Variants in PDE6C observed in about 807,000 individuals in gnomAD.
PDE6C encodes the protein cone cGMP-specific 3',5'-cyclic phosphodiesterase subunit alpha'.
Under a neutral mutation model 113.1 loss-of-function variants are expected in PDE6C, and 75 were observed. The ratio of observed to expected loss-of-function variants is 0.66; its 90% CI spans 0.55 to 0.80. The LOEUF is 0.80. PDE6C is among the 30% of genes least tolerant of loss of function. PDE6C has a pLI of 0.00. For missense variants in PDE6C, 912 were observed against 1,038.6 expected, an observed-to-expected ratio of 0.88 and a Z score of 1.67; for synonymous variants, 375 against 363.7, an observed-to-expected ratio of 1.03 and a Z score of -0.35.
chr10:93,640,567 G>A lies in PDE6C; in HGVS notation c.1737+10G>A. The A allele has an allele frequency of 1.9e-6, 3 of 1,557,716 alleles. No homozygotes were observed. The highest frequency in any genetic ancestry group is 2.7e-6 in the Non-Finnish European group (3 of 1,128,538). ...GTTTACTTTGCTGATGGTAGGTACA[G>A]AGGGCTGTAAATCCTTGTAAACCTG... On this transcript the variant is annotated intron_variant, in intron 13 of 21. Coordinates refer to ENST00000371447, the MANE Select transcript of PDE6C (RefSeq NM_006204.4).
chr10:93,634,628 C>A, intron 8 of PDE6C, 130 bp from the exon 9 acceptor site: 1 of 877,350 alleles, frequency 1.1e-6, no homozygotes, highest in Non-Finnish European at 1.8e-6. Context: ...ACCATCATTA[C>A]CATTGTGTGA....
intron 8 of PDE6C, among the ~76,000 whole-genome samples, chr10:93,629,575 CT>C (rs1465183708): frequency 1.3e-5 from 2 of 152,194 alleles, no homozygotes; most frequent in Admixed American, 1.3e-4. Context: ...GGTCCCCAAC[CT>C]TTTTGGCACC....
At chr10:93,648,614 C>T (rs983794077) in intron 15 of PDE6C, among the ~76,000 whole-genome samples, 9 of 152,224 alleles carry the variant, frequency 5.9e-5, no homozygotes, top group South Asian at 4.1e-4. Flanking sequence ...AGGCTTTGAA[C>T]GGCAATGTCC....
In PDE6C at chr10:93,629,304, A is replaced by G. The variant is rs773230219; in HGVS notation, c.1118A>G (p.Gln373Arg). The change falls in exon 8 of 22, where the codon CAG (glutamine) becomes CGG (arginine). Residue 373 changes from glutamine (Q) to arginine (R), a missense_variant and splice_region_variant. Transcript: ENST00000371447. The part of the protein sequence containing the change: ...NAPADEYFTF[Q>R]KGPVDETGWV... ...CCTGCGGATGAATACTTCACATTTC[A>G]GGTAACTGCACTCTGGGTCAGACCT... 1.1e-5 allele frequency: 17 copies of G among 1,607,510 alleles called. No individual in the cohort carries two copies. The highest frequency in any genetic ancestry group is 1.4e-5 in the Non-Finnish European group (17 of 1,174,034).
chr10:93,617,836 C>T (rs192323803), intron 1 of PDE6C, among the ~76,000 whole-genome samples: 18 of 152,214 alleles, frequency 1.2e-4, no homozygotes, highest in Admixed American at 3.9e-4. Flanking sequence ...TCTGGTATTT[C>T]GATGATTCCT....
At chr10:93,636,861 G>A (rs1396747115) in intron 10 of PDE6C, 134 bp from the exon 11 acceptor site, 3 of 661,102 alleles carry the variant, frequency 4.5e-6, no homozygotes, top group South Asian at 1.7e-5. Context: ...TCCAACTCCT[G>A]GGCTCCAGGG....
intron 1 of PDE6C, among the ~76,000 whole-genome samples, chr10:93,620,083 T>A (rs2058437977): frequency 6.6e-6 from 1 of 152,104 alleles, no homozygotes; most frequent in Admixed American, 6.5e-5. Flanking sequence ...TGTTCAAGCA[T>A]GGAGAAAGGC....
At chr10:93,653,479 C>A (rs2058618781) in intron 15 of PDE6C, among the ~76,000 whole-genome samples, 1 of 151,842 alleles carries the variant, frequency 6.6e-6, no homozygotes. Flanking sequence ...CCCATCTCTA[C>A]TAAAAAATAC....
chr10:93,638,189 C>T (rs532059231), intron 11 of PDE6C, among the ~76,000 whole-genome samples: 13 of 152,144 alleles, frequency 8.5e-5, no homozygotes, highest in Non-Finnish European at 1.8e-4. Context: ...CATCTCTTTC[C>T]GATCTGTGAT....
At chr10:93,622,477 A>C (rs2058451387) in intron 4 of PDE6C, among the ~76,000 whole-genome samples, 1 of 152,060 alleles carries the variant, frequency 6.6e-6, no homozygotes, top group African/African-American at 2.4e-5. Flanking sequence ...CATAGTTTAC[A>C]TGAGGGTTCA....
At chr10:93,627,261 A>G (rs7900772) in intron 7 of PDE6C, among the ~76,000 whole-genome samples, 244 of 112,892 alleles carry the variant, frequency 2.2e-3, no homozygotes, top group African/African-American at 5.6e-3. Context: ...AACTCCACAA[A>G]AAAAAAAAAA....
At chr10:93,631,433 G>C (rs951822166) in intron 8 of PDE6C, among the ~76,000 whole-genome samples, 5 of 152,234 alleles carry the variant, frequency 3.3e-5, no homozygotes, top group Non-Finnish European at 7.3e-5. Flanking sequence ...TACCCTGCCA[G>C]GCAGCTTGGG....
At chr10:93,637,118 A>G (rs2058537295) in intron 11 of PDE6C, 55 bp downstream of exon 11, 1 of 858,638 alleles carries the variant, frequency 1.2e-6, no homozygotes. Flanking sequence ...TTATAAATCA[A>G]TAATATATTA....
Position 93,640,398 on chromosome 10 carries a change from T to G in PDE6C, c.1630-52T>G, listed in dbSNP as rs185167092. 5 of 1,438,548 alleles carry G rather than the reference T, an allele frequency of 3.5e-6. No homozygotes were observed. The Admixed American group carries it at 6.7e-5, about 19-fold the overall frequency. 89.1% of individuals were successfully genotyped at this position (1,438,548 alleles called of 1,614,324 possible). On this transcript the variant is annotated intron_variant, in intron 12 of 21. Transcript: ENST00000371447. ...TTTTAGATAAGATTGCCACAGACCT[T>G]CTAACCTTTAGAATTCTATTCCAAA...
intron 21 of PDE6C, among the ~76,000 whole-genome samples, chr10:93,663,580 G>A (rs947501699): frequency 1.3e-5 from 2 of 152,100 alleles, no homozygotes; most frequent in African/African-American, 2.4e-5. Flanking sequence ...GCTTAACCTC[G>A]CTGAGTTTAA....
intron 8 of PDE6C, among the ~76,000 whole-genome samples, chr10:93,631,776 A>G (rs1589696743): frequency 6.6e-6 from 1 of 152,240 alleles, no homozygotes. Flanking sequence ...TTTGATAGAC[A>G]AGCCAATGAT....
chr10:93,655,484 AAGTT>A (rs1404827318), intron 15 of PDE6C, among the ~76,000 whole-genome samples: 3 of 152,056 alleles, frequency 2.0e-5, no homozygotes, highest in African/African-American at 7.2e-5. Context: ...TTACTCCAAA[AAGTT>A]AAACACTGAT....
chr10:93,640,790 A>G (rs1460695554), intron 13 of PDE6C, 130 bp from the exon 14 acceptor site: 11 of 722,672 alleles, frequency 1.5e-5, no homozygotes, highest in Non-Finnish European at 2.2e-5. Flanking sequence ...GTACTACAAT[A>G]CTCACAACAA....
intron 18 of PDE6C, among the ~76,000 whole-genome samples, chr10:93,661,788 TC>T (rs1387703808): frequency 6.6e-6 from 1 of 152,164 alleles, no homozygotes; most frequent in East Asian, 1.9e-4. Flanking sequence ...CTCCTATTTC[TC>T]CTTTTCGTTG....
Sources: gnomAD v4.1 joint callset for allele counts (sites outside exome capture counted in the v4.1 genomes callset) on GRCh38, gnomAD v4.1.1 for gene constraint, MANE v1.5 for transcripts, NCBI Gene and HGNC (gene_info 2026-07-23, HGNC 2026-07-21) for gene names.